The following HECW1 variants were observed in gnomAD, a reference collection of about 807,000 sequenced individuals.
HECW1 encodes the protein HECT, C2 and WW domain containing E3 ubiquitin protein ligase 1, also known as E3 ubiquitin-protein ligase HECW1.
Under a neutral mutation model 182.3 loss-of-function variants are expected in HECW1, and 61 were observed. The ratio of observed to expected loss-of-function variants is 0.33; its 90% confidence interval spans 0.27 to 0.41. The LOEUF is 0.41. Ranked by LOEUF, HECW1 falls within the 10% of genes least tolerant of loss-of-function variation. HECW1 has a pLI of 1.00. For missense variants in HECW1, 1,739 were observed against 2,108.9 expected (o/e 0.82, Z 3.44); for synonymous variants, 859 against 832.6 (o/e 1.03, Z -0.55).
intron 3 of HECW1, among the ~76,000 whole-genome samples, chr7:43,292,309 A>G (rs539674626): frequency 6.6e-6 from 1 of 152,340 alleles, no homozygotes; most frequent in Non-Finnish European, 1.5e-5. Context: ...ACTAGCTTTC[A>G]TAAGAACACA....
chr7:43,372,089 T>A (rs1037694966), intron 6 of HECW1, among the ~76,000 whole-genome samples: 5 of 152,196 alleles, frequency 3.3e-5, no homozygotes, highest in Non-Finnish European at 5.9e-5. Context: ...CCCAAAGTGC[T>A]GGGATTACAG....
In HECW1 at chr7:43,438,163, A is replaced by T. The variant is rs776181954; in HGVS notation, c.944+18A>T. 1.2e-6 allele frequency: 2 copies of T among 1,606,830 alleles called. No individual in the cohort carries two copies. Among genetic ancestry groups the T allele is most frequent in the East Asian group, 4.5e-5 (2 of 44,616 alleles). On this transcript the variant is annotated intron_variant, in intron 9 of 29. Transcript: ENST00000395891. ...GCCATAGGGTAAACCTGTGACTGAG[A>T]TCTTACTATCACTAGGTTCCCACCA...
Position 43,444,440 on chromosome 7 carries a change from C to T in HECW1, c.1268C>T (p.Thr423Met), listed in dbSNP as rs757691980. The T allele has an allele frequency of 7.4e-6, 12 of 1,613,712 alleles. No individual in the cohort carries two copies. In the Admixed American group the frequency reaches 8.3e-5, roughly 11 times the overall value. Residue 423 changes from threonine (T) to methionine (M), a missense_variant, in exon 11 of 30, where the codon ACG becomes ATG. Coordinates refer to ENST00000395891, the MANE Select transcript of HECW1 (RefSeq NM_015052.5). This position sits in a 1 kb window ranked among gnomAD's most constrained non-coding sequence, Gnocchi z 4.3. The part of the protein sequence containing the change: ...SRPAEEAAVI[T>M]EAGDQGMVSV... ...CCAGCTGAGGAAGCAGCAGTCATCA[C>T]GGAGGCAGGAGACCAGGGCATGGTC...
intron 19 of HECW1, among the ~76,000 whole-genome samples, chr7:43,497,415 A>G (rs2079161069): frequency 6.6e-6 from 1 of 152,196 alleles, no homozygotes; most frequent in Non-Finnish European, 1.5e-5. Context: ...GAAGTGATTG[A>G]GAAGTTTTCA....
At position 43,456,416 on chromosome 7, in the gene HECW1, T is replaced by A. The variant is rs1439479815; in HGVS notation, c.2620T>A (p.Ser874Thr). The A allele has an allele frequency of 6.2e-7, 1 of 1,613,748 alleles. No individual in the cohort carries two copies. The highest frequency in any genetic ancestry group is 1.7e-5 in the Admixed American group (1 of 59,976). ...ATPDGMRRSG[S>T]IQQMEQLNRR... ...CCCGGATGGCATGCGGAGATCGGGG[T>A]CCATCCAGCAGATGGAGCAACTCAA... Residue 874 changes from serine (S) to threonine (T), a missense_variant, in exon 13 of 30, where the codon TCC becomes ACC. This residue lies in a region of HECW1 where 971 missense variants were observed against 1,029.1 expected (regional missense o/e 0.94). Coordinates refer to ENST00000395891, the MANE Select transcript of HECW1 (RefSeq NM_015052.5).
chr7:43,549,251 G>T (rs1001098029), intron 26 of HECW1, among the ~76,000 whole-genome samples: 1 of 152,178 alleles, frequency 6.6e-6, no homozygotes, highest in African/African-American at 2.4e-5. Context: ...CTAAAAATCA[G>T]ACATTCCAAA....
At chr7:43,482,264 T>C (rs2078466023) in intron 17 of HECW1, among the ~76,000 whole-genome samples, 1 of 151,948 alleles carries the variant, frequency 6.6e-6, no homozygotes, top group Admixed American at 6.6e-5. Context: ...AAAATAAATA[T>C]GTGGTTCCTC....
chr7:43,326,502 G>T (rs534608013), intron 5 of HECW1, among the ~76,000 whole-genome samples: 2 of 152,248 alleles, frequency 1.3e-5, no homozygotes, highest in South Asian at 4.1e-4. Context: ...TCCACAAGGC[G>T]GCCCCATGAA....
At chr7:43,549,607 CA>C (rs1777205751) in intron 26 of HECW1, among the ~76,000 whole-genome samples, 1 of 152,190 alleles carries the variant, frequency 6.6e-6, no homozygotes, top group Non-Finnish European at 1.5e-5. Context: ...AGATGATACA[CA>C]GATAATAGCC....
chr7:43,332,566 T>C (rs1194379837), intron 5 of HECW1, among the ~76,000 whole-genome samples: 3 of 152,190 alleles, frequency 2.0e-5, no homozygotes, highest in African/African-American at 4.8e-5. Flanking sequence ...GGTGAGGCAG[T>C]GTCTGAAGGG....
intron 7 of HECW1, among the ~76,000 whole-genome samples, chr7:43,403,689 A>ACATATGATG (rs1273620790): frequency 6.6e-6 from 1 of 152,176 alleles, no homozygotes; most frequent in Non-Finnish European, 1.5e-5. Flanking sequence ...TGTCTCTTAC[A>ACATATGATG]CATATGATGC....
intron 2 of HECW1, among the ~76,000 whole-genome samples, chr7:43,198,133 A>G (rs1794645408): frequency 6.7e-6 from 1 of 150,104 alleles, no homozygotes; most frequent in African/African-American, 2.5e-5. Context: ...CTATAGTCAC[A>G]CACCCCACAC....
intron 3 of HECW1, among the ~76,000 whole-genome samples, chr7:43,271,388 G>C (rs1331517903): frequency 6.6e-6 from 1 of 152,034 alleles, no homozygotes. Flanking sequence ...AAATGAAAGG[G>C]GCATCCAAAC....
At chr7:43,247,352 G>A (rs1799472174) in intron 3 of HECW1, among the ~76,000 whole-genome samples, 1 of 152,166 alleles carries the variant, frequency 6.6e-6, no homozygotes, top group Non-Finnish European at 1.5e-5. Flanking sequence ...TTCTCATGTC[G>A]AAAGTGAAGC....
At chr7:43,497,815 G>C (rs1339826618) in intron 19 of HECW1, among the ~76,000 whole-genome samples, 3 of 152,104 alleles carry the variant, frequency 2.0e-5, no homozygotes, top group Admixed American at 2.0e-4. Context: ...AATGGATAAT[G>C]GCATCATTTA....
intron 3 of HECW1, among the ~76,000 whole-genome samples, chr7:43,244,606 C>T (rs934574107): frequency 2.0e-5 from 3 of 152,082 alleles, no homozygotes; most frequent in African/African-American, 7.2e-5. Context: ...GATCATTGTC[C>T]CCATTTGATG....
chr7:43,427,995 A>C (rs1247498407), intron 8 of HECW1, among the ~76,000 whole-genome samples: 1 of 152,184 alleles, frequency 6.6e-6, no homozygotes, highest in Non-Finnish European at 1.5e-5. Context: ...TTGTTTGGTA[A>C]TCTAATCATG....
intron 13 of HECW1, among the ~76,000 whole-genome samples, chr7:43,457,446 A>G (rs2077439148): frequency 6.6e-6 from 1 of 152,212 alleles, no homozygotes; most frequent in South Asian, 2.1e-4. Context: ...TATCTGCCAG[A>G]AAGAAAAGGA....
chr7:43,144,283 T>C (rs999032544), intron 2 of HECW1, among the ~76,000 whole-genome samples: 1 of 152,224 alleles, frequency 6.6e-6, no homozygotes, highest in African/African-American at 2.4e-5. Context: ...AATATCAATA[T>C]GACTCATCAC....
Sources: gnomAD v4.1 joint callset for allele counts (sites outside exome capture counted in the v4.1 genomes callset) on GRCh38, gnomAD v4.1.1 for gene constraint, gnomAD v4.1.1 regional missense constraint, Gnocchi (gnomAD v3.1) non-coding constraint, MANE v1.5 for transcripts, NCBI Gene and HGNC (gene_info 2026-07-23, HGNC 2026-07-21) for gene names.